CADPS2: variants seen among roughly 807,000 people sequenced by gnomAD.
CADPS2 encodes calcium-dependent secretion activator 2.
CADPS2 carries 93 observed loss-of-function variants against 172.5 expected under a neutral mutation model. That is an observed-to-expected ratio of 0.54 (90% CI 0.46 to 0.64). The LOEUF is 0.64. Among genes scored for constraint, CADPS2 ranks in the 30% least tolerant of loss-of-function variants. The pLI is 0.00. For synonymous variants in CADPS2, 546 were observed against 555.2 expected, an observed-to-expected ratio of 0.98 and a Z score of 0.23; for missense variants, 1,420 against 1,565.9, an observed-to-expected ratio of 0.91 and a Z score of 1.57.
At chr7:122,740,166 G>A (rs1161069792) in intron 1 of CADPS2, among the ~76,000 whole-genome samples, 1 of 152,100 alleles carries the variant, frequency 6.6e-6, no homozygotes, top group Non-Finnish European at 1.5e-5. Flanking sequence ...TGTAAAACAG[G>A]TTGATGGTTT....
chr7:122,383,699 C>T (rs888493447), intron 24 of CADPS2, among the ~76,000 whole-genome samples: 1 of 152,094 alleles, frequency 6.6e-6, no homozygotes, highest in African/African-American at 2.4e-5. Flanking sequence ...TCTCTACAAT[C>T]AGGTGAACAG....
chr7:122,356,910 A>C (rs145923724), intron 27 of CADPS2, among the ~76,000 whole-genome samples: 5 of 151,996 alleles, frequency 3.3e-5, no homozygotes, highest in Admixed American at 6.6e-5. Flanking sequence ...CATTTCTCCA[A>C]TGAGCCCTGG....
intron 17 of CADPS2, among the ~76,000 whole-genome samples, chr7:122,417,106 T>C (rs2048016760): frequency 6.6e-6 from 1 of 152,164 alleles, no homozygotes. Flanking sequence ...CCTACAATAG[T>C]TTTCCCTTGA....
At chr7:122,840,576 C>T (rs565925088) in intron 1 of CADPS2, among the ~76,000 whole-genome samples, 36 of 147,842 alleles carry the variant, frequency 2.4e-4, no homozygotes, top group African/African-American at 8.5e-4. Context: ...AAAGAAAAGC[C>T]ATCAAATCAG....
intron 28 of CADPS2, chr7:122,330,847 A>T (rs10247924): frequency 0.15 from 22,553 of 152,168 alleles, 1,723 homozygotes; most frequent in Middle Eastern, 0.16. Flanking sequence ...TGCTAGCCCC[A>T]TTTATGCTAC....
At chr7:122,764,058 A>C (rs1199767346) in intron 1 of CADPS2, among the ~76,000 whole-genome samples, 2 of 152,086 alleles carry the variant, frequency 1.3e-5, no homozygotes, top group African/African-American at 2.4e-5. Flanking sequence ...TTGGTCCCCT[A>C]GGCACCTCCA....
intron 25 of CADPS2, among the ~76,000 whole-genome samples, chr7:122,373,078 A>G (rs1444853396): frequency 1.3e-5 from 2 of 152,228 alleles, no homozygotes; most frequent in East Asian, 1.9e-4. Flanking sequence ...TCACAAATGT[A>G]CAGTTACAGT....
chr7:122,830,149 C>A (rs1256424553), intron 1 of CADPS2, among the ~76,000 whole-genome samples: 2 of 152,090 alleles, frequency 1.3e-5, no homozygotes, highest in Non-Finnish European at 2.9e-5. Flanking sequence ...CTATTCAAAC[C>A]CAGGTAGTCT....
chr7:122,610,722 GA>G lies in CADPS2; in HGVS notation c.1223+4458del, dbSNP rs530741705. The stretch of plus-strand genomic sequence containing the variant: ...AATAAAACAGAGAAGATTATGTGGG[GA>G]AAAAAAACCATGGCATTGAGATTAT... On this transcript the variant is annotated intron_variant, in intron 6 of 29. Coordinates refer to ENST00000449022, the MANE Select transcript of CADPS2 (RefSeq NM_017954.11). Among the ~76,000 whole-genome samples, 19 of 151,638 alleles carry G rather than the reference GA, an allele frequency of 1.3e-4. No individual in the cohort carries two copies. The East Asian group carries it at 2.3e-3, about 19-fold the overall frequency.
chr7:122,367,073 C>T (rs2041013509), intron 25 of CADPS2, among the ~76,000 whole-genome samples: 1 of 152,072 alleles, frequency 6.6e-6, no homozygotes, highest in South Asian at 2.1e-4. Context: ...GTATGCTATT[C>T]CTTTTGGGCA....
chr7:122,534,449 G>A (rs2062048303), intron 8 of CADPS2, among the ~76,000 whole-genome samples: 1 of 152,038 alleles, frequency 6.6e-6, no homozygotes, highest in Non-Finnish European at 1.5e-5. Flanking sequence ...ATGCAGATTT[G>A]TTTTTCATAT....
At position 122,817,788 on chromosome 7, in the gene CADPS2, G is replaced by A. The variant is rs184434906; in HGVS notation, c.339+68211C>T. On this transcript the variant is annotated intron_variant, in intron 1 of 29. Coordinates refer to ENST00000449022, the MANE Select transcript of CADPS2 (RefSeq NM_017954.11). ...CTAGAGGGGCAATTACCCCAACCTC[G>A]TATCTCTGCGCCCCAATCCCTTATT... Among the ~76,000 whole-genome samples the A allele has an allele frequency of 3.4e-3, 508 of 151,370 alleles. 3 individuals carry two copies. Among genetic ancestry groups the A allele is most frequent in the African/African-American group, 0.012 (493 of 41,228 alleles).
chr7:122,645,345 A>G (rs926451639), intron 3 of CADPS2, among the ~76,000 whole-genome samples: 9 of 74,786 alleles, frequency 1.2e-4, no homozygotes, highest in East Asian at 3.2e-4. Flanking sequence ...ACACATGTAC[A>G]TGTGTGTGTA....
At chr7:122,574,501 A>T (rs1342951673) in intron 7 of CADPS2, among the ~76,000 whole-genome samples, 1 of 146,536 alleles carries the variant, frequency 6.8e-6, no homozygotes, top group Admixed American at 7.0e-5. Flanking sequence ...GTTGATACAT[A>T]TGTAGAATGT....
chr7:122,525,138 T>G (rs1489211712), intron 8 of CADPS2, among the ~76,000 whole-genome samples: 3 of 37,586 alleles, frequency 8.0e-5, no homozygotes, highest in Non-Finnish European at 1.4e-4. Flanking sequence ...AGACCCTGTC[T>G]CAAAAAAAAA....
In CADPS2 at chr7:122,629,266, C is replaced by A. The variant is rs1483884932; in HGVS notation, c.849G>T (p.Leu283Phe). 1 of 1,609,168 alleles carries A rather than the reference C, an allele frequency of 6.2e-7. No homozygotes were observed. Among genetic ancestry groups the A allele is most frequent in the Admixed American group, 1.7e-5 (1 of 59,556 alleles). Residue 283 changes from leucine to phenylalanine, a missense_variant, in exon 4 of 30, where the codon TTG (leucine) becomes TTT (phenylalanine). Transcript: ENST00000449022. ...IRRELDGRLQ[L>F]ADKMAKERKF... is the part of the protein sequence containing the mutation. ...AATTTACCTTTGCCATTTTATCTGC[C>A]AATTGCAGCCGGCCATCAAGTTCCC...
intron 14 of CADPS2, among the ~76,000 whole-genome samples, chr7:122,452,980 C>T (rs1163614104): frequency 6.6e-6 from 1 of 152,114 alleles, no homozygotes; most frequent in African/African-American, 2.4e-5. Context: ...ATTATACTGA[C>T]ATAATGACCT....
chr7:122,338,053 C>G (rs1220495928), intron 28 of CADPS2, among the ~76,000 whole-genome samples: 1 of 152,188 alleles, frequency 6.6e-6, no homozygotes, highest in Non-Finnish European at 1.5e-5. Flanking sequence ...TTTTATCCAC[C>G]TTTAGTACAC....
intron 11 of CADPS2, among the ~76,000 whole-genome samples, chr7:122,484,060 G>A (rs2057561516): frequency 6.6e-6 from 1 of 152,096 alleles, no homozygotes; most frequent in Admixed American, 6.5e-5. Flanking sequence ...ATAGATTGAA[G>A]GCATTCCCAG....
Sources: allele counts gnomAD v4.1 joint callset (sites outside exome capture counted in the v4.1 genomes callset), GRCh38; gene constraint gnomAD v4.1.1; transcripts MANE v1.5; gene names NCBI Gene and HGNC (gene_info 2026-07-23, HGNC 2026-07-21).